PTCH1: variants seen among roughly 807,000 people sequenced by gnomAD.
The protein encoded by PTCH1 is protein patched homolog 1.
In PTCH1, 14 loss-of-function variants were observed where a neutral mutation model predicts 144.6. The ratio of observed to expected loss-of-function variants is 0.10; its 90% CI spans 0.06 to 0.15. PTCH1 has a LOEUF of 0.15. PTCH1 is among the 10% of genes least tolerant of loss of function. The pLI, the probability that PTCH1 is intolerant of heterozygous loss-of-function variation, is 1.00. For synonymous variants in PTCH1, 833 were observed against 793.6 expected, an observed-to-expected ratio of 1.05 and a Z score of -0.83; for missense variants, 1,623 against 1,948.3, an observed-to-expected ratio of 0.83 and a Z score of 3.14.
chr9:95,486,650 G>A (rs993779909), intron 2 of PTCH1, among the ~76,000 whole-genome samples: 10 of 152,248 alleles, frequency 6.6e-5, no homozygotes, highest in African/African-American at 2.4e-4. Context: ...CCAGCAAGCT[G>A]GCCAGCACGG....
rs530445495 is a variant in PTCH1, at chr9:95,457,911, A to G, written c.3168+102T>C. The G allele has an allele frequency of 3.4e-6, 5 of 1,456,876 alleles. No homozygotes were observed. The East Asian group carries it at 1.1e-4, about 33-fold the overall frequency. 90.2% of individuals were successfully genotyped at this position (1,456,876 alleles called of 1,614,324 possible). A position where few individuals can be genotyped will look rare whatever the true frequency, so the allele number is the denominator to read the frequency against. ...ACATATTACGGATGATGCAAGCTATACCCTCCTCCAGAGGCCCAGACATAA... is the reference window on the plus strand; with the variant it reads ...ACATATTACGGATGATGCAAGCTATGCCCTCCTCCAGAGGCCCAGACATAA... On this transcript the variant is annotated intron_variant, in intron 18 of 23. Coordinates refer to ENST00000331920, the MANE Select transcript of PTCH1 (RefSeq NM_000264.5).
In PTCH1 at chr9:95,508,577, C is replaced by G; in HGVS notation, c.-216G>C. The G allele has an allele frequency of 1.0e-6, 1 of 1,000,230 alleles. No homozygotes were observed. The highest frequency in any genetic ancestry group is 1.2e-6 in the Non-Finnish European group (1 of 840,188). The allele number at this position is 1,000,230 out of a possible 1,614,324, so 62.0% of individuals were successfully genotyped here. ...CTGCCGCTGCGGCCGCGGCCGCTGC[C>G]GGGGAGTCAGACCCTGCGCCTTCCA... On this transcript the variant is annotated 5_prime_UTR_variant, in exon 1 of 24. Transcript: ENST00000331920.
chr9:95,446,019 A>T lies in PTCH1; in HGVS notation c.*374T>A, dbSNP rs1837853651. On this transcript the variant is annotated 3_prime_UTR_variant, in exon 24 of 24. Coordinates refer to ENST00000331920, the MANE Select transcript of PTCH1 (RefSeq NM_000264.5). ...ATATTTGCATAGAATTATACAAGTA[A>T]ATTATACAATATTTAAGCAGCAGCA... 1 of 181,754 alleles carries T rather than the reference A, an allele frequency of 5.5e-6. No homozygotes were observed. Among genetic ancestry groups the T allele is most frequent in the Non-Finnish European group, 1.2e-5 (1 of 83,694 alleles). The allele number at this position is 181,754 out of a possible 1,614,324, so 11.3% of individuals were successfully genotyped here.
Position 95,484,943 on chromosome 9 carries a change from C to T in PTCH1, c.584+742G>A, listed in dbSNP as rs547155005. Reference sequence around the variant, plus strand: ...TCAGCGGGCCAGGCATGGTGGCTCACGCTTGTAACCCCAGCACTTTGGGAG... The same window carrying T: ...TCAGCGGGCCAGGCATGGTGGCTCATGCTTGTAACCCCAGCACTTTGGGAG... On this transcript the variant is annotated intron_variant, in intron 3 of 23. Coordinates refer to ENST00000331920, the MANE Select transcript of PTCH1 (RefSeq NM_000264.5). Among the ~76,000 whole-genome samples the T allele has an allele frequency of 2.8e-3, 427 of 152,182 alleles. 2 individuals carry two copies. Among genetic ancestry groups the T allele is most frequent in the African/African-American group, 9.6e-3 (397 of 41,510 alleles).
At chr9:95,446,848 G>A in intron 23 of PTCH1, 63 bp downstream of exon 23, 1 of 1,607,072 alleles carries the variant, frequency 6.2e-7, no homozygotes, top group Non-Finnish European at 8.5e-7. Context: ...AACCCCAGGA[G>A]AACCTTGTCC....
intron 1 of PTCH1, among the ~76,000 whole-genome samples, chr9:95,515,288 A>C (rs1216493104): frequency 6.6e-6 from 1 of 152,236 alleles, no homozygotes; most frequent in African/African-American, 2.4e-5. Flanking sequence ...TCCAATTATC[A>C]AATATTTAGA....
upstream of PTCH1, among the ~76,000 whole-genome samples, chr9:95,511,138 C>CGGGCGCGCTGGGGGCTGCGGCG (rs1227091973): frequency 2.0e-5 from 3 of 149,792 alleles, no homozygotes; most frequent in Non-Finnish European, 3.0e-5. Context: ...GCTGGCTGCC[C>CGGGCGCGCTGGGGGCTGCGGCG]GGGCGCGCTG....
intron 16 of PTCH1, 87 bp downstream of exon 16, chr9:95,461,769 G>GT: frequency 6.4e-7 from 1 of 1,567,204 alleles, no homozygotes. Flanking sequence ...AGAGCACAGG[G>GT]TGGGGTCACA....
chr9:95,494,322 G>A, intron 2 of PTCH1: 1 of 985,500 alleles, frequency 1.0e-6, no homozygotes, highest in Non-Finnish European at 1.2e-6. Flanking sequence ...TGGACCTGCT[G>A]CCTGTCGCAG....
intron 8 of PTCH1, among the ~76,000 whole-genome samples, chr9:95,478,655 C>G (rs2118355627): frequency 6.6e-6 from 1 of 152,324 alleles, no homozygotes; most frequent in East Asian, 1.9e-4. Flanking sequence ...GTCACATGAC[C>G]TGACCAAGGG....
upstream of PTCH1, among the ~76,000 whole-genome samples, chr9:95,509,803 T>C (rs1844051125): frequency 6.6e-6 from 1 of 152,084 alleles, no homozygotes; most frequent in Non-Finnish European, 1.5e-5. Flanking sequence ...GCGTGCTGGA[T>C]AGTGCGCCAG....
rs79663574 is a variant in PTCH1 at position 95,508,060 on chromosome 9, A to T, written c.201+101T>A. ...GTGAGTGAGTGTGTGTGTGTGTGTG[A>T]GAGAGAGAGGAAGAGAGTGTGTGTG... On this transcript the variant is annotated intron_variant, in intron 1 of 23. Coordinates refer to ENST00000331920, the MANE Select transcript of PTCH1 (RefSeq NM_000264.5). The T allele has an allele frequency of 6.1e-3, 9,067 of 1,475,912 alleles. 166 individuals are homozygous for T. In the African/African-American group the frequency reaches 0.076, roughly 12 times the overall value. 91.4% of individuals were successfully genotyped at this position (1,475,912 alleles called of 1,614,324 possible). A position where few individuals can be genotyped will look rare whatever the true frequency, so the allele number is the denominator to read the frequency against.
intron 19 of PTCH1, among the ~76,000 whole-genome samples, chr9:95,455,454 T>C (rs930348623): frequency 6.6e-5 from 10 of 152,234 alleles, no homozygotes; most frequent in Non-Finnish European, 1.5e-4. Flanking sequence ...CATTTACTTA[T>C]TGAATGCCTA....
upstream of PTCH1, among the ~76,000 whole-genome samples, chr9:95,511,388 C>T (rs761558305): frequency 7.2e-5 from 11 of 152,224 alleles, no homozygotes; most frequent in African/African-American, 1.2e-4. Context: ...CAGGGGGAGG[C>T]CCTTCCCCCG....
chr9:95,497,142 T>C (rs1345121918), intron 2 of PTCH1, among the ~76,000 whole-genome samples: 1 of 152,222 alleles, frequency 6.6e-6, no homozygotes, highest in African/African-American at 2.4e-5. Flanking sequence ...AAATTCAAAC[T>C]GAAATCCTAT....
rs566805317 is a variant in PTCH1, at chr9:95,460,874, T to A, written c.2703+982A>T. Among the ~76,000 whole-genome samples, 10 of 152,312 alleles carry A rather than the reference T, an allele frequency of 6.6e-5. No homozygotes were observed. The South Asian group carries it at 2.1e-3, about 32-fold the overall frequency. On this transcript the variant is annotated intron_variant, in intron 16 of 23. Transcript: ENST00000331920. Reference sequence around the variant, plus strand: ...TGTCTCTGAGGCAGACTCCTCTGCCTGCATCCTTGGGAAACGTGATGGTCT... The same window carrying A: ...TGTCTCTGAGGCAGACTCCTCTGCCAGCATCCTTGGGAAACGTGATGGTCT...
Position 95,476,472 on chromosome 9 carries a change from C to A in PTCH1, c.1602+287G>T, listed in dbSNP as rs1841044644. 6.6e-6 allele frequency among the ~76,000 whole-genome samples: 1 copy of A among 152,130 alleles called. No individual in the cohort carries two copies. Among genetic ancestry groups the A allele is most frequent in the African/African-American group, 2.4e-5 (1 of 41,424 alleles). On this transcript the variant is annotated intron_variant, in intron 11 of 23. Coordinates refer to ENST00000331920, the MANE Select transcript of PTCH1 (RefSeq NM_000264.5). This position sits in a 1 kb window ranked among gnomAD's most constrained non-coding sequence, Gnocchi z 4.6. ...TAAGTGACAGACATCTCCAGAGAAG[C>A]AAATGCAGGCTCTGGGAATGTATGG...
In PTCH1 at chr9:95,481,629, C is replaced by CTCG. The variant is rs1841541277; in HGVS notation, c.746+317_746+319dup. Among the ~76,000 whole-genome samples, 4 of 152,276 alleles carry CTCG rather than the reference C, an allele frequency of 2.6e-5. No individual in the cohort carries two copies. The South Asian group carries it at 8.3e-4, about 32-fold the overall frequency. ...CCTTAAAAAATAAGTGTCTAAATGC[C>CTCG]TCGTCTTCGAAACTACGAACATTTT... On this transcript the variant is annotated intron_variant, in intron 5 of 23. Coordinates refer to ENST00000331920, the MANE Select transcript of PTCH1 (RefSeq NM_000264.5).
chr9:95,447,583 C>G, intron 22 of PTCH1, 132 bp from the exon 23 acceptor site: 1 of 947,248 alleles, frequency 1.1e-6, no homozygotes, highest in Non-Finnish European at 1.5e-6. Context: ...GGCCTTCCAC[C>G]CACAAAAGAA....
Sources: gnomAD v4.1 joint callset for allele counts (sites outside exome capture counted in the v4.1 genomes callset) on GRCh38, gnomAD v4.1.1 for gene constraint, Gnocchi (gnomAD v3.1) non-coding constraint, MANE v1.5 for transcripts, NCBI Gene and HGNC (gene_info 2026-07-23, HGNC 2026-07-21) for gene names.